The following PIK3C2G variants were observed in gnomAD, a reference collection of about 807,000 sequenced individuals.
The protein encoded by PIK3C2G is phosphatidylinositol 3-kinase C2 domain-containing subunit gamma.
A neutral mutation model predicts 181.1 loss-of-function variants in PIK3C2G; 168 were observed. The ratio of observed to expected loss-of-function variants is 0.93; its 90% CI spans 0.82 to 1.05. The LOEUF (loss-of-function observed/expected upper bound fraction) is 1.05, where lower values mean the gene tolerates loss of function less well. PIK3C2G is among the 50% of genes least tolerant of loss of function. The pLI, the probability that PIK3C2G is intolerant of heterozygous loss-of-function variation, is 0.00. For missense variants in PIK3C2G, 1,869 were observed against 1,732.8 expected (o/e 1.08, Z -1.40); for synonymous variants, 573 against 592.2 (o/e 0.97, Z 0.47).
chr12:18,683,464 T>C, the PIK3C2G span: 3 of 1,455,226 alleles, frequency 2.1e-6, no homozygotes, highest in Non-Finnish European at 2.8e-6. Flanking sequence ...ATCTGGTATA[T>C]TAATCTTCCA....
intron 16 of PIK3C2G, among the ~76,000 whole-genome samples, chr12:18,412,163 G>C (rs2135637207): frequency 6.6e-6 from 1 of 152,278 alleles, no homozygotes; most frequent in South Asian, 2.1e-4. Context: ...AAGTCTGAAT[G>C]TTGGTCAGAT....
chr12:18,535,480 T>C (rs1176739135), intron 24 of PIK3C2G, among the ~76,000 whole-genome samples: 1 of 152,066 alleles, frequency 6.6e-6, no homozygotes, highest in Non-Finnish European at 1.5e-5. Context: ...TTTCTAATAA[T>C]GGTGACTATG....
At chr12:18,462,976 G>A (rs1948002758) in intron 18 of PIK3C2G, among the ~76,000 whole-genome samples, 1 of 151,890 alleles carries the variant, frequency 6.6e-6, no homozygotes, top group Non-Finnish European at 1.5e-5. Context: ...TTTTCACATA[G>A]CATCATTCTT....
At chr12:18,521,437 A>G (rs1942908032) in intron 24 of PIK3C2G, among the ~76,000 whole-genome samples, 1 of 152,172 alleles carries the variant, frequency 6.6e-6, no homozygotes, top group African/African-American at 2.4e-5. Context: ...TCTGTCCCCA[A>G]GCCCCTGGCT....
At chr12:18,334,382 C>T (rs1228239491) in intron 8 of PIK3C2G, among the ~76,000 whole-genome samples, 1 of 152,152 alleles carries the variant, frequency 6.6e-6, no homozygotes, top group Non-Finnish European at 1.5e-5. Flanking sequence ...TACAATAAAT[C>T]TAATCCTCTT....
At chr12:18,297,619 A>C (rs1042551881) in intron 5 of PIK3C2G, among the ~76,000 whole-genome samples, 11 of 151,932 alleles carry the variant, frequency 7.2e-5, no homozygotes, top group African/African-American at 2.7e-4. Flanking sequence ...GCTCCCAAAC[A>C]CTGGAACTGA....
intron 31 of PIK3C2G, among the ~76,000 whole-genome samples, chr12:18,635,280 A>G (rs1488457236): frequency 6.6e-6 from 1 of 152,228 alleles, no homozygotes; most frequent in Non-Finnish European, 1.5e-5. Context: ...GAAAGAAGTC[A>G]GTGCAGCAGC....
chr12:18,606,921 T>C (rs995311379), intron 30 of PIK3C2G, among the ~76,000 whole-genome samples: 2 of 152,110 alleles, frequency 1.3e-5, no homozygotes, highest in African/African-American at 4.8e-5. Context: ...GATGTTGCGA[T>C]ACAAATCAAA....
the PIK3C2G span, among the ~76,000 whole-genome samples, chr12:18,692,135 G>A: frequency 6.6e-6 from 1 of 152,144 alleles, no homozygotes; most frequent in Non-Finnish European, 1.5e-5. Flanking sequence ...GGGAGCAGAG[G>A]AGCGCTCAGC....
intron 18 of PIK3C2G, among the ~76,000 whole-genome samples, chr12:18,458,061 A>T (rs906188935): frequency 1.3e-5 from 2 of 152,198 alleles, no homozygotes; most frequent in Non-Finnish European, 2.9e-5. Context: ...TGAAATTTAA[A>T]CTTCTTAAGT....
At chr12:18,615,135 C>T (rs1948535102) in intron 31 of PIK3C2G, among the ~76,000 whole-genome samples, 1 of 151,942 alleles carries the variant, frequency 6.6e-6, no homozygotes, top group Non-Finnish European at 1.5e-5. Flanking sequence ...CCCTTCCCCC[C>T]AAGTCCCTAA....
At chr12:18,475,098 G>A (rs1400798838) in intron 18 of PIK3C2G, among the ~76,000 whole-genome samples, 2 of 151,934 alleles carry the variant, frequency 1.3e-5, no homozygotes, top group African/African-American at 4.8e-5. Flanking sequence ...CTAAAGAGGA[G>A]CAAAAATGAA....
intron 18 of PIK3C2G, among the ~76,000 whole-genome samples, chr12:18,462,437 T>C (rs1469618185): frequency 2.0e-5 from 3 of 152,192 alleles, no homozygotes; most frequent in Non-Finnish European, 4.4e-5. Context: ...GCACATTATA[T>C]CTGACATTAT....
At chr12:18,700,512 C>CAAAAAAAA in the PIK3C2G span, among the ~76,000 whole-genome samples, 4,410 of 67,886 alleles carry the variant, frequency 0.065, 979 homozygotes, top group South Asian at 0.12. Context: ...AGCCAACGTA[C>CAAAAAAAA]AAAAAAAAAA....
At chr12:18,370,052 A>G (rs530020178) in intron 12 of PIK3C2G, among the ~76,000 whole-genome samples, 1 of 151,756 alleles carries the variant, frequency 6.6e-6, no homozygotes, top group African/African-American at 2.4e-5. Context: ...TAACGATCGT[A>G]TAATTGACAT....
chr12:18,690,281 C>T, the PIK3C2G span, among the ~76,000 whole-genome samples: 27 of 152,152 alleles, frequency 1.8e-4, no homozygotes, highest in African/African-American at 3.6e-4. Flanking sequence ...TGGAGTGCAA[C>T]GGTGCGACCT....
the PIK3C2G span, among the ~76,000 whole-genome samples, chr12:18,654,776 A>T: frequency 7.2e-5 from 11 of 152,158 alleles, no homozygotes; most frequent in Non-Finnish European, 1.6e-4. Context: ...GATAATCAAG[A>T]CTTGTTTGAA....
chr12:18,531,309 CTTT>C (rs1487957192), intron 24 of PIK3C2G, among the ~76,000 whole-genome samples: 1 of 152,020 alleles, frequency 6.6e-6, no homozygotes, highest in Non-Finnish European at 1.5e-5. Context: ...TTAAATAATA[CTTT>C]TTATTTTGAG....
chr12:18,358,058 T>C (rs973022524), intron 11 of PIK3C2G, among the ~76,000 whole-genome samples: 3 of 152,226 alleles, frequency 2.0e-5, no homozygotes, highest in African/African-American at 4.8e-5. Context: ...GAAATGAACA[T>C]GGGAGTTCAG....
Sources: allele counts gnomAD v4.1 joint callset (sites outside exome capture counted in the v4.1 genomes callset), GRCh38; gene constraint gnomAD v4.1.1; transcripts MANE v1.5; gene names NCBI Gene and HGNC (gene_info 2026-07-23, HGNC 2026-07-21).